Variants in ARB2A observed in about 807,000 individuals in gnomAD.
ARB2A encodes ARB2 cotranscriptional regulator A, also known as cotranscriptional regulator ARB2A.
At chr5:93,994,801 G>A in the ARB2A span, among the ~76,000 whole-genome samples, 1 of 152,024 alleles carries the variant, frequency 6.6e-6, no homozygotes, top group South Asian at 2.1e-4. Context: ...AGCTACTCAA[G>A]AGGCTGAGGC....
the ARB2A span, among the ~76,000 whole-genome samples, chr5:93,873,014 G>C: frequency 6.6e-6 from 1 of 152,104 alleles, no homozygotes; most frequent in Non-Finnish European, 1.5e-5. Flanking sequence ...TAATATTCAA[G>C]AGTTCTTGCA....
At chr5:94,107,636 T>G in the ARB2A span, among the ~76,000 whole-genome samples, 1 of 152,204 alleles carries the variant, frequency 6.6e-6, no homozygotes, top group Admixed American at 6.5e-5. Flanking sequence ...TTTAAAAATT[T>G]TTTACAGTTT....
chr5:93,736,385 T>C, the ARB2A span: 1 of 152,334 alleles, frequency 6.6e-6, no homozygotes, highest in African/African-American at 2.4e-5. Flanking sequence ...AGCATTAATA[T>C]TTACTTGACT....
the ARB2A span, among the ~76,000 whole-genome samples, chr5:93,885,215 A>G: frequency 1.3e-5 from 2 of 151,566 alleles, no homozygotes; most frequent in Admixed American, 6.6e-5. Context: ...GTGACCTTTC[A>G]TGAATGTACC....
the ARB2A span, among the ~76,000 whole-genome samples, chr5:93,774,433 A>G: frequency 2.0e-5 from 3 of 152,238 alleles, no homozygotes; most frequent in East Asian, 5.8e-4. Context: ...CAAGTAGTGA[A>G]TGCAAAGGAA....
the ARB2A span, among the ~76,000 whole-genome samples, chr5:94,005,474 C>T: frequency 6.6e-6 from 1 of 152,126 alleles, no homozygotes; most frequent in Non-Finnish European, 1.5e-5. Flanking sequence ...TCCCAAAGTG[C>T]TGGGATTACA....
chr5:93,906,630 T>A, the ARB2A span, among the ~76,000 whole-genome samples: 5 of 151,584 alleles, frequency 3.3e-5, no homozygotes. Flanking sequence ...AAATTCTTAG[T>A]ATATGCTAAT....
the ARB2A span, among the ~76,000 whole-genome samples, chr5:93,692,588 C>T: frequency 6.6e-6 from 1 of 152,120 alleles, no homozygotes; most frequent in South Asian, 2.1e-4. Context: ...GAATCCCACA[C>T]AATAATACTG....
chr5:93,799,779 A>G, the ARB2A span, among the ~76,000 whole-genome samples: 2 of 152,096 alleles, frequency 1.3e-5, no homozygotes, highest in African/African-American at 4.8e-5. Context: ...ACTAGGTAGT[A>G]TCTATTATTA....
At chr5:94,074,741 G>A in the ARB2A span, 3 of 1,611,358 alleles carry the variant, frequency 1.9e-6, no homozygotes, top group Non-Finnish European at 2.5e-6. Flanking sequence ...AGAGCTCAAG[G>A]AAATAGACAT....
At chr5:93,785,464 A>G in the ARB2A span, among the ~76,000 whole-genome samples, 1 of 152,286 alleles carries the variant, frequency 6.6e-6, no homozygotes, top group East Asian at 1.9e-4. Flanking sequence ...TCTATCAAAA[A>G]TATAATAGTG....
the ARB2A span, among the ~76,000 whole-genome samples, chr5:94,045,514 C>T: frequency 1.3e-5 from 2 of 152,068 alleles, no homozygotes; most frequent in South Asian, 2.1e-4. Flanking sequence ...ACTTCTAGCT[C>T]TTAAATGGAA....
the ARB2A span, among the ~76,000 whole-genome samples, chr5:93,697,322 T>A: frequency 6.6e-6 from 1 of 152,104 alleles, no homozygotes; most frequent in Admixed American, 6.6e-5. Context: ...TTACATACAA[T>A]ATCTGGCTCT....
the ARB2A span, among the ~76,000 whole-genome samples, chr5:93,755,068 T>C: frequency 6.6e-6 from 1 of 152,186 alleles, no homozygotes; most frequent in Non-Finnish European, 1.5e-5. Flanking sequence ...TTTTAAATTA[T>C]AGCCTTAAAT....
At chr5:93,815,259 A>C in the ARB2A span, among the ~76,000 whole-genome samples, 11 of 152,226 alleles carry the variant, frequency 7.2e-5, no homozygotes, top group Admixed American at 6.5e-4. Context: ...AAGTGAGAAC[A>C]ATTGATATAC....
the ARB2A span, among the ~76,000 whole-genome samples, chr5:93,930,077 C>T: frequency 1.3e-5 from 2 of 152,106 alleles, no homozygotes; most frequent in Admixed American, 6.6e-5. Flanking sequence ...CATATCAATA[C>T]TTTATCTCTA....
the ARB2A span, among the ~76,000 whole-genome samples, chr5:94,061,438 A>C: frequency 6.6e-6 from 1 of 152,334 alleles, no homozygotes; most frequent in Non-Finnish European, 1.5e-5. Context: ...TGTTCAACAT[A>C]GTACTGAAAG....
the ARB2A span, among the ~76,000 whole-genome samples, chr5:93,833,896 T>G: frequency 6.6e-6 from 1 of 152,206 alleles, no homozygotes; most frequent in Non-Finnish European, 1.5e-5. Context: ...GAGTATATTG[T>G]ATAGTGCTGA....
At chr5:93,770,077 A>G in the ARB2A span, among the ~76,000 whole-genome samples, 3 of 152,188 alleles carry the variant, frequency 2.0e-5, no homozygotes, top group Non-Finnish European at 4.4e-5. Flanking sequence ...ATTGTCTTCA[A>G]TGAGCATTTT....
Sources: gnomAD v4.1 joint callset for allele counts (sites outside exome capture counted in the v4.1 genomes callset) on GRCh38, gnomAD v4.1.1 for gene constraint, MANE v1.5 for transcripts, NCBI Gene and HGNC (gene_info 2026-07-23, HGNC 2026-07-21) for gene names.